Variants in NLGN1 observed in about 807,000 individuals in gnomAD.
NLGN1 encodes neuroligin 1, also known as neuroligin-1.
NLGN1 carries 12 observed loss-of-function variants against 65.5 expected under a neutral mutation model. That is an observed-to-expected ratio of 0.18 (90% CI 0.12 to 0.30). NLGN1 has a LOEUF of 0.30. Among genes scored for constraint, NLGN1 ranks in the 10% least tolerant of loss-of-function variants. The probability of loss-of-function intolerance (pLI) is 1.00; values close to 1 mark genes in which losing one functional copy is unlikely to be tolerated. For synonymous variants in NLGN1, 350 were observed against 359.5 expected, an observed-to-expected ratio of 0.97 and a Z score of 0.30; for missense variants, 750 against 1,007.1, an observed-to-expected ratio of 0.74 and a Z score of 3.46.
intron 4 of NLGN1, among the ~76,000 whole-genome samples, chr3:173,988,047 T>C (rs1195945404): frequency 6.6e-6 from 1 of 152,226 alleles, no homozygotes; most frequent in East Asian, 1.9e-4. Flanking sequence ...CTTTTTTCTA[T>C]CACCCAAAAT....
intron 3 of NLGN1, among the ~76,000 whole-genome samples, chr3:173,671,043 T>A (rs558375818): frequency 6.6e-6 from 1 of 152,268 alleles, no homozygotes; most frequent in Admixed American, 6.5e-5. Context: ...TACTCTAAAT[T>A]GAGGAATGGT....
intron 4 of NLGN1, among the ~76,000 whole-genome samples, chr3:174,139,277 T>C (rs967572289): frequency 3.9e-5 from 6 of 152,116 alleles, no homozygotes; most frequent in African/African-American, 1.4e-4. Context: ...ATTTCTACCT[T>C]CCTCCTAATC....
At chr3:174,199,909 C>T (rs868680823) in intron 4 of NLGN1, among the ~76,000 whole-genome samples, 1 of 152,158 alleles carries the variant, frequency 6.6e-6, no homozygotes, top group Non-Finnish European at 1.5e-5. Flanking sequence ...ACCATAGGAG[C>T]TTAGTAATTT....
chr3:173,842,849 G>A (rs774962623), intron 4 of NLGN1, among the ~76,000 whole-genome samples: 14 of 152,108 alleles, frequency 9.2e-5, no homozygotes, highest in East Asian at 5.8e-4. Flanking sequence ...GATGGTGGCC[G>A]CCTTCTCACA....
chr3:174,291,895 G>A, the NLGN1 span, among the ~76,000 whole-genome samples: 112,419 of 151,004 alleles, frequency 0.74, 42,804 homozygotes, highest in African/African-American at 0.91. Context: ...ATGAAGACAC[G>A]GTACAGCTAT....
chr3:173,743,702 T>C (rs375922296), intron 3 of NLGN1, among the ~76,000 whole-genome samples: 6 of 152,286 alleles, frequency 3.9e-5, no homozygotes, highest in Admixed American at 1.3e-4. Context: ...AGCAAGCTAC[T>C]GGCCTTTCAT....
intron 4 of NLGN1, among the ~76,000 whole-genome samples, chr3:174,267,287 G>T (rs917377741): frequency 6.6e-6 from 1 of 152,154 alleles, no homozygotes; most frequent in Admixed American, 6.5e-5. Flanking sequence ...CATGGTGGGA[G>T]GCAAAGAGGA....
intron 4 of NLGN1, among the ~76,000 whole-genome samples, chr3:173,816,271 A>G (rs1230720965): frequency 6.6e-6 from 1 of 152,112 alleles, no homozygotes; most frequent in Non-Finnish European, 1.5e-5. Flanking sequence ...AGCAATTTAC[A>G]TAGATTGCAT....
At chr3:174,140,779 G>A (rs1158768262) in intron 4 of NLGN1, among the ~76,000 whole-genome samples, 1 of 152,018 alleles carries the variant, frequency 6.6e-6, no homozygotes, top group Non-Finnish European at 1.5e-5. Flanking sequence ...ATTAAATTTT[G>A]AAGAAGGAGC....
At chr3:173,424,030 C>CAAGCTGAACACCATGTGG (rs1362406569) in intron 1 of NLGN1, among the ~76,000 whole-genome samples, 17 of 152,342 alleles carry the variant, frequency 1.1e-4, no homozygotes, top group Non-Finnish European at 1.5e-4. Context: ...TGTGCACCCA[C>CAAGCTGAACACCATGTGG]AAGCTGAACA....
At chr3:173,448,805 C>T (rs935441348) in intron 2 of NLGN1, among the ~76,000 whole-genome samples, 22 of 152,148 alleles carry the variant, frequency 1.4e-4, no homozygotes, top group Admixed American at 1.3e-3. Flanking sequence ...GTGTATGTGT[C>T]GAGGAATTTA....
At chr3:173,771,579 T>C (rs1025735960) in intron 3 of NLGN1, among the ~76,000 whole-genome samples, 6 of 35,660 alleles carry the variant, frequency 1.7e-4, no homozygotes, top group African/African-American at 4.4e-4. Flanking sequence ...TTGAATTGTA[T>C]GAGGTTTGTA....
chr3:174,084,731 T>A (rs1742921243), intron 4 of NLGN1, among the ~76,000 whole-genome samples: 1 of 152,080 alleles, frequency 6.6e-6, no homozygotes, highest in Admixed American at 6.6e-5. Context: ...CTTCCTGTAA[T>A]CTTTGTTCCA....
At chr3:173,981,341 A>G (rs1417163919) in intron 4 of NLGN1, among the ~76,000 whole-genome samples, 1 of 152,158 alleles carries the variant, frequency 6.6e-6, no homozygotes. Context: ...TCAAATTGAT[A>G]GTATTTGGGT....
chr3:173,983,406 C>A (rs999916534), intron 4 of NLGN1, among the ~76,000 whole-genome samples: 1 of 152,072 alleles, frequency 6.6e-6, no homozygotes, highest in Non-Finnish European at 1.5e-5. Context: ...TGCTTCTGGT[C>A]GAGTCCAGCA....
Position 173,580,771 on chromosome 3 carries a change from A to G in NLGN1, c.-320-23508A>G, listed in dbSNP as rs543937270. Reference sequence around the variant, plus strand: ...TACACTTAAACATACTGAAAAATGAACCTTCAGTTCTATATTAATATCTAA... The same window carrying G: ...TACACTTAAACATACTGAAAAATGAGCCTTCAGTTCTATATTAATATCTAA... On this transcript the variant is annotated intron_variant, in intron 2 of 6. Coordinates refer to ENST00000457714, the Ensembl canonical transcript of NLGN1. 2.0e-5 allele frequency among the ~76,000 whole-genome samples: 3 copies of G among 152,146 alleles called. No individual in the cohort carries two copies. In the East Asian group the frequency reaches 5.8e-4, roughly 29 times the overall value.
At chr3:174,217,157 C>T (rs947526420) in intron 4 of NLGN1, among the ~76,000 whole-genome samples, 2 of 152,104 alleles carry the variant, frequency 1.3e-5, no homozygotes, top group African/African-American at 4.8e-5. Context: ...CAGCTTGTGA[C>T]AGCATAACTC....
At chr3:173,410,151 G>A (rs1333413661) in intron 1 of NLGN1, among the ~76,000 whole-genome samples, 1 of 152,192 alleles carries the variant, frequency 6.6e-6, no homozygotes, top group African/African-American at 2.4e-5. Flanking sequence ...AATACACTGA[G>A]AGTAGTCCTG....
chr3:174,108,146 A>G lies in NLGN1; in HGVS notation c.647-167169A>G, dbSNP rs1226539713. Among the ~76,000 whole-genome samples, 4 of 151,988 alleles carry G rather than the reference A, an allele frequency of 2.6e-5. No individual in the cohort carries two copies. In the East Asian group the frequency reaches 7.7e-4, roughly 29 times the overall value. ...AGAGCAATTTTTTAAAATTTTGATA[A>G]ATTCTATTGTATTGATTTTTTTTCT... On this transcript the variant is annotated intron_variant, in intron 4 of 6. Coordinates refer to ENST00000457714, the Ensembl canonical transcript of NLGN1.
Sources: gnomAD v4.1 joint callset for allele counts (sites outside exome capture counted in the v4.1 genomes callset) on GRCh38, gnomAD v4.1.1 for gene constraint, MANE v1.5 for transcripts, NCBI Gene and HGNC (gene_info 2026-07-23, HGNC 2026-07-21) for gene names.